Variants in THSD7B observed in about 807,000 individuals in gnomAD.
THSD7B encodes the protein thrombospondin type 1 domain containing 7B.
A neutral mutation model predicts 213.6 loss-of-function variants in THSD7B; 138 were observed. That is an observed-to-expected ratio of 0.65 (90% CI 0.56 to 0.74). The LOEUF (loss-of-function observed/expected upper bound fraction) is 0.74. THSD7B is among the 30% of genes least tolerant of loss of function. The probability of loss-of-function intolerance (pLI) is 0.00; values close to 1 mark genes in which losing one functional copy is unlikely to be tolerated. For synonymous variants in THSD7B, 742 were observed against 687.0 expected, an observed-to-expected ratio of 1.08 and a Z score of -1.25; for missense variants, 1,931 against 1,991.5, an observed-to-expected ratio of 0.97 and a Z score of 0.58.
At chr2:137,170,451 T>G (rs1245083357) in intron 6 of THSD7B, among the ~76,000 whole-genome samples, 3 of 152,214 alleles carry the variant, frequency 2.0e-5, no homozygotes, top group African/African-American at 7.2e-5. Context: ...TACTGGTTTA[T>G]TGATACCATA....
chr2:137,501,161 A>G (rs1679694395), intron 15 of THSD7B, among the ~76,000 whole-genome samples: 1 of 152,148 alleles, frequency 6.6e-6, no homozygotes, highest in Non-Finnish European at 1.5e-5. Flanking sequence ...GAAATCATAA[A>G]ACTAAACATT....
intron 2 of THSD7B, among the ~76,000 whole-genome samples, chr2:137,022,311 G>T (rs1002435634): frequency 1.3e-5 from 2 of 152,050 alleles, no homozygotes; most frequent in African/African-American, 4.8e-5. Flanking sequence ...AGTAATGTAC[G>T]AATGAGTCAG....
chr2:136,772,428 G>GTGAATAT (rs1392689852), intron 1 of THSD7B, among the ~76,000 whole-genome samples: 111 of 152,190 alleles, frequency 7.3e-4, no homozygotes, highest in African/African-American at 2.5e-3. Context: ...AAATCATAAA[G>GTGAATAT]AACTAGATAC....
intron 2 of THSD7B, among the ~76,000 whole-genome samples, chr2:136,896,557 A>G (rs1219299872): frequency 1.3e-5 from 2 of 152,090 alleles, no homozygotes; most frequent in African/African-American, 2.4e-5. Context: ...TATGAAGCCT[A>G]GTTTTCCAAT....
intron 1 of THSD7B, among the ~76,000 whole-genome samples, chr2:136,825,055 C>T (rs1441638867): frequency 9.2e-5 from 14 of 152,134 alleles, no homozygotes. Flanking sequence ...AAAGGAGGTA[C>T]ATTGAAGAAA....
intron 15 of THSD7B, among the ~76,000 whole-genome samples, chr2:137,474,484 A>G (rs1426379118): frequency 2.6e-5 from 4 of 152,180 alleles, no homozygotes; most frequent in Non-Finnish European, 5.9e-5. Context: ...ACTAAGAAGT[A>G]TGGGAATGCT....
intron 15 of THSD7B, among the ~76,000 whole-genome samples, chr2:137,531,030 A>G (rs1680387655): frequency 6.6e-6 from 1 of 152,042 alleles, no homozygotes; most frequent in Non-Finnish European, 1.5e-5. Flanking sequence ...CGTAGCCTAC[A>G]TCTTTCTGTT....
chr2:137,315,303 G>A (rs551543991), intron 12 of THSD7B, among the ~76,000 whole-genome samples: 42 of 152,172 alleles, frequency 2.8e-4, no homozygotes, highest in African/African-American at 7.5e-4. Context: ...TCTTTGACTC[G>A]GAAAGGGAAC....
At chr2:136,919,646 G>A (rs532844998) in intron 2 of THSD7B, among the ~76,000 whole-genome samples, 26 of 152,300 alleles carry the variant, frequency 1.7e-4, no homozygotes, top group Admixed American at 1.2e-3. Context: ...AAACCTCTGT[G>A]GCCAGTGGCA....
chr2:136,876,577 G>C (rs1439076557), intron 1 of THSD7B, among the ~76,000 whole-genome samples: 1 of 152,198 alleles, frequency 6.6e-6, no homozygotes, highest in African/African-American at 2.4e-5. Context: ...GACTTAGGCA[G>C]TCTTTAAATA....
intron 1 of THSD7B, among the ~76,000 whole-genome samples, chr2:136,866,704 T>TA (rs1260181583): frequency 9.9e-5 from 15 of 152,252 alleles, no homozygotes; most frequent in Admixed American, 4.6e-4. Flanking sequence ...AAAGCGTTCC[T>TA]ACCTAAAACC....
intron 2 of THSD7B, among the ~76,000 whole-genome samples, chr2:136,936,693 G>T (rs1010838944): frequency 6.6e-6 from 1 of 152,058 alleles, no homozygotes; most frequent in Non-Finnish European, 1.5e-5. Flanking sequence ...GAGGGTGAGG[G>T]ATAAAGACTA....
intron 17 of THSD7B, among the ~76,000 whole-genome samples, chr2:137,606,051 T>C (rs1682169747): frequency 6.6e-6 from 1 of 152,172 alleles, no homozygotes; most frequent in African/African-American, 2.4e-5. Context: ...TCCACCCACC[T>C]TGGCTTCCCA....
intron 1 of THSD7B, among the ~76,000 whole-genome samples, chr2:136,855,975 C>T (rs1485549083): frequency 1.0e-5 from 1 of 99,812 alleles, no homozygotes; most frequent in Admixed American, 1.3e-4. Context: ...ACTTGAATGT[C>T]ACCTTCTCAA....
chr2:137,348,620 A>G (rs1345458508), intron 12 of THSD7B, among the ~76,000 whole-genome samples: 1 of 151,258 alleles, frequency 6.6e-6, no homozygotes, highest in African/African-American at 2.4e-5. Flanking sequence ...GCCAATGCAC[A>G]TTAAATCAAA....
chr2:136,905,405 G>A (rs560982), intron 2 of THSD7B, among the ~76,000 whole-genome samples: 65,298 of 152,064 alleles, frequency 0.43, 15,618 homozygotes, highest in Non-Finnish European at 0.55. Context: ...ATAGAGGTAT[G>A]TCAAAAGCAT....
chr2:137,618,343 C>T (rs1307109995), intron 18 of THSD7B, 49 bp from the exon 19 acceptor site: 3 of 1,492,412 alleles, frequency 2.0e-6, no homozygotes, highest in Middle Eastern at 3.5e-4. Context: ...GTATTTTGCT[C>T]ACATGGCCAT....
intron 12 of THSD7B, among the ~76,000 whole-genome samples, chr2:137,289,182 T>A (rs2104830208): frequency 6.6e-6 from 1 of 151,936 alleles, no homozygotes; most frequent in Non-Finnish European, 1.5e-5. Context: ...TTTTTTAAAG[T>A]AAGTGAGTGG....
At chr2:136,772,220 C>T (rs572879529) in intron 1 of THSD7B, among the ~76,000 whole-genome samples, 3 of 152,146 alleles carry the variant, frequency 2.0e-5, no homozygotes, top group Non-Finnish European at 2.9e-5. Flanking sequence ...CAGTCTTTAC[C>T]GCTGCTGGAA....
Sources: gnomAD v4.1 joint callset for allele counts (sites outside exome capture counted in the v4.1 genomes callset) on GRCh38, gnomAD v4.1.1 for gene constraint, MANE v1.5 for transcripts, NCBI Gene and HGNC (gene_info 2026-07-23, HGNC 2026-07-21) for gene names.